Variants in MPHOSPH6 observed in about 807,000 individuals in gnomAD.
MPHOSPH6 encodes M-phase phosphoprotein 6.
In MPHOSPH6, 25 loss-of-function variants were observed where a neutral mutation model predicts 21.8. That is an observed-to-expected ratio of 1.15 (90% CI 0.83 to 1.60). The LOEUF (loss-of-function observed/expected upper bound fraction) is 1.60. Ranked by LOEUF, MPHOSPH6 falls within the 40% of genes most tolerant of loss-of-function variation. MPHOSPH6 has a pLI of 0.00. For missense variants in MPHOSPH6, 269 were observed against 181.8 expected (o/e 1.48, Z -2.76); for synonymous variants, 84 against 56.5 (o/e 1.49, Z -2.18).
chr16:82,153,602 T>A (rs147730134), intron 2 of MPHOSPH6, among the ~76,000 whole-genome samples: 120 of 152,320 alleles, frequency 7.9e-4, no homozygotes, highest in African/African-American at 2.6e-3. Context: ...TGGGTGAGGA[T>A]ACCACTGAAA....
chr16:82,156,339 T>G (rs1425443484), intron 2 of MPHOSPH6, among the ~76,000 whole-genome samples: 1 of 152,338 alleles, frequency 6.6e-6, no homozygotes, highest in Non-Finnish European at 1.5e-5. Flanking sequence ...AATATACTGA[T>G]GTCTGCAACT....
chr16:82,152,872 GA>G (rs1400763768), intron 2 of MPHOSPH6, among the ~76,000 whole-genome samples: 1 of 152,174 alleles, frequency 6.6e-6, no homozygotes, highest in Non-Finnish European at 1.5e-5. Context: ...TTGTTTGCCG[GA>G]GTAGGCTCTG....
chr16:82,151,263 G>C, intron 3 of MPHOSPH6, 161 bp downstream of exon 3: 2 of 999,730 alleles, frequency 2.0e-6, no homozygotes, highest in Middle Eastern at 2.2e-4. Context: ...AGACTGCAAT[G>C]CCTCCAATTT....
chr16:82,148,574 A>C lies in MPHOSPH6; in HGVS notation c.*157T>G. ...AAGCAAAGGATGTACAACATCCATC[A>C]CACATCTGTTTCAAAAACAGCATGT... On this transcript the variant is annotated 3_prime_UTR_variant, in exon 5 of 5. Coordinates refer to ENST00000258169, the MANE Select transcript of MPHOSPH6 (RefSeq NM_005792.2). 1.1e-6 allele frequency: 1 copy of C among 924,066 alleles called. No individual in the cohort carries two copies. The highest frequency in any genetic ancestry group is 1.6e-5 in the African/African-American group (1 of 61,058). 57.2% of individuals were successfully genotyped at this position (924,066 alleles called of 1,614,324 possible). A position where few individuals can be genotyped will look rare whatever the true frequency, so the allele number is the denominator to read the frequency against.
chr16:82,167,107 AG>A (rs1430615084), intron 1 of MPHOSPH6, among the ~76,000 whole-genome samples: 1 of 151,778 alleles, frequency 6.6e-6, no homozygotes, highest in East Asian at 1.9e-4. Context: ...TAGTTGTAAC[AG>A]AGACTGTCTG....
At chr16:82,150,162 G>C (rs1906218759) in intron 3 of MPHOSPH6, among the ~76,000 whole-genome samples, 2 of 151,924 alleles carry the variant, frequency 1.3e-5, no homozygotes, top group African/African-American at 4.8e-5. Context: ...CAGTGTTTCA[G>C]AATCCAGTAA....
chr16:82,153,739 T>C (rs1906342081), intron 2 of MPHOSPH6, among the ~76,000 whole-genome samples: 1 of 152,204 alleles, frequency 6.6e-6, no homozygotes, highest in South Asian at 2.1e-4. Context: ...GGAGAGATGA[T>C]TTCTGGGAGA....
intron 2 of MPHOSPH6, among the ~76,000 whole-genome samples, chr16:82,152,983 T>C (rs1384510816): frequency 6.6e-6 from 1 of 152,178 alleles, no homozygotes; most frequent in East Asian, 1.9e-4. Flanking sequence ...GAGCCTCAGC[T>C]GGGCACAGTG....
At chr16:82,163,698 T>C (rs926665202) in intron 2 of MPHOSPH6, among the ~76,000 whole-genome samples, 5 of 152,198 alleles carry the variant, frequency 3.3e-5, no homozygotes, top group African/African-American at 1.2e-4. Flanking sequence ...TGACCTGCCT[T>C]AAAATGCTCA....
chr16:82,158,315 T>C (rs564202963), intron 2 of MPHOSPH6, among the ~76,000 whole-genome samples: 2 of 149,560 alleles, frequency 1.3e-5, no homozygotes, highest in African/African-American at 5.0e-5. Context: ...GATGAAACCC[T>C]GTCTCTACTA....
chr16:82,148,568 T>G lies in MPHOSPH6; in HGVS notation c.*163A>C. ...ACCAAGAAGCAAAGGATGTACAACA[T>G]CCATCACACATCTGTTTCAAAAACA... On this transcript the variant is annotated 3_prime_UTR_variant, in exon 5 of 5. Transcript: ENST00000258169. 1.2e-6 allele frequency: 1 copy of G among 846,572 alleles called. No individual in the cohort carries two copies. The highest frequency in any genetic ancestry group is 1.7e-6 in the Non-Finnish European group (1 of 582,154). The allele number at this position is 846,572 out of a possible 1,614,324, so 52.4% of individuals were successfully genotyped here.
intron 1 of MPHOSPH6, 72 bp downstream of exon 1, chr16:82,170,053 C>A: frequency 1.3e-6 from 2 of 1,511,582 alleles, no homozygotes; most frequent in Non-Finnish European, 1.8e-6. Flanking sequence ...CCGCCCGCCG[C>A]CTCGGCCCCG....
Position 82,163,407 on chromosome 16 carries a change from C to T in MPHOSPH6, c.164+675G>A, listed in dbSNP as rs9673938. Among the ~76,000 whole-genome samples, 465 of 152,276 alleles carry T rather than the reference C, an allele frequency of 3.1e-3. 2 individuals carry two copies. Among genetic ancestry groups the T allele is most frequent in the African/African-American group, 0.011 (443 of 41,556 alleles). On this transcript the variant is annotated intron_variant, in intron 2 of 4. Transcript: ENST00000258169. ...CCTTCATTCAAAATTGTTGATCAGG[C>T]ACCAGCCAAGCTTAGGGGTGGGCCA...
At chr16:82,160,824 CT>C (rs1458946143) in intron 2 of MPHOSPH6, among the ~76,000 whole-genome samples, 34 of 152,144 alleles carry the variant, frequency 2.2e-4, no homozygotes, top group Admixed American at 2.0e-3. Flanking sequence ...AATATGGCAT[CT>C]TGGCATACTG....
rs1906688269 is a variant in MPHOSPH6, at chr16:82,164,132, G to A, written c.114C>T (p.Ile38=). ...KKQLEEEEKK[I]ISEEHWYLDL... ...CCAAGTACCAGTGCTCTTCACTAATGATTTTCTTTTCTTCTTCTTCTAGTT... is the reference window on the plus strand; with the variant it reads ...CCAAGTACCAGTGCTCTTCACTAATAATTTTCTTTTCTTCTTCTTCTAGTT... Residue 38 remains isoleucine, a synonymous_variant, in exon 2 of 5, where the codon ATC becomes ATT. Coordinates refer to ENST00000258169, the MANE Select transcript of MPHOSPH6 (RefSeq NM_005792.2). The A allele has an allele frequency of 6.2e-7, 1 of 1,612,840 alleles. No homozygotes were observed. Among genetic ancestry groups the A allele is most frequent in the Middle Eastern group, 1.6e-4 (1 of 6,062 alleles).
At chr16:82,167,078 C>G (rs1216813168) in intron 1 of MPHOSPH6, among the ~76,000 whole-genome samples, 6 of 150,854 alleles carry the variant, frequency 4.0e-5, no homozygotes, top group Non-Finnish European at 7.4e-5. Context: ...CGGTCTTGAA[C>G]AACACTGGCA....
intron 1 of MPHOSPH6, among the ~76,000 whole-genome samples, chr16:82,167,104 A>T (rs190456818): frequency 6.6e-6 from 1 of 152,354 alleles, no homozygotes; most frequent in East Asian, 1.9e-4. Flanking sequence ...GAGTAGTTGT[A>T]ACAGAGACTG....
chr16:82,152,885 T>G (rs1014347367), intron 2 of MPHOSPH6, among the ~76,000 whole-genome samples: 2 of 152,256 alleles, frequency 1.3e-5, no homozygotes, highest in Non-Finnish European at 2.9e-5. Flanking sequence ...TAGGCTCTGA[T>G]TCTCATAAAG....
intron 1 of MPHOSPH6, among the ~76,000 whole-genome samples, chr16:82,169,452 C>A (rs554851314): frequency 6.6e-6 from 1 of 152,192 alleles, no homozygotes; most frequent in Non-Finnish European, 1.5e-5. Flanking sequence ...GTTCTGCCAG[C>A]AGACTGTCTT....
Sources: allele counts gnomAD v4.1 joint callset (sites outside exome capture counted in the v4.1 genomes callset), GRCh38; gene constraint gnomAD v4.1.1; transcripts MANE v1.5; gene names NCBI Gene and HGNC (gene_info 2026-07-23, HGNC 2026-07-21).